Variants in UBE2D4 observed in about 807,000 individuals in gnomAD.
UBE2D4 encodes ubiquitin-conjugating enzyme E2 D4.
UBE2D4 carries 17 observed loss-of-function variants against 23.0 expected under a neutral mutation model. The ratio of observed to expected loss-of-function variants is 0.74; its 90% confidence interval spans 0.51 to 1.11. The LOEUF is 1.11. UBE2D4 is among the 50% of genes least tolerant of loss of function. UBE2D4 has a pLI of 0.00. For missense variants in UBE2D4, 139 were observed against 181.8 expected, an observed-to-expected ratio of 0.76 and a Z score of 1.35; for synonymous variants, 61 against 69.4, an observed-to-expected ratio of 0.88 and a Z score of 0.60.
intron 1 of UBE2D4, among the ~76,000 whole-genome samples, chr7:43,929,992 T>C (rs1018155809): frequency 2.0e-5 from 3 of 152,058 alleles, no homozygotes; most frequent in Non-Finnish European, 4.4e-5. Context: ...AGCAACTCAG[T>C]CCCCCTCTCC....
intron 1 of UBE2D4, among the ~76,000 whole-genome samples, chr7:43,933,210 G>A (rs2095951192): frequency 6.6e-6 from 1 of 151,158 alleles, no homozygotes; most frequent in South Asian, 2.1e-4. Flanking sequence ...TAACATTTTT[G>A]TGGATTTCTT....
At chr7:43,948,175 G>A (rs904160323) in intron 4 of UBE2D4, among the ~76,000 whole-genome samples, 4 of 152,148 alleles carry the variant, frequency 2.6e-5, no homozygotes, top group African/African-American at 9.7e-5. Context: ...TTCTTTTGCT[G>A]TGCAGAAGCT....
intron 1 of UBE2D4, among the ~76,000 whole-genome samples, chr7:43,927,639 A>G (rs1185973197): frequency 6.6e-6 from 1 of 152,220 alleles, no homozygotes; most frequent in Non-Finnish European, 1.5e-5. Flanking sequence ...TTCCACAAGT[A>G]CATGACTAGT....
chr7:43,941,359 G>T (rs1173408455), intron 2 of UBE2D4: 1 of 152,282 alleles, frequency 6.6e-6, no homozygotes, highest in East Asian at 1.9e-4. Flanking sequence ...TACTGGGCTA[G>T]CCTTGCTGAT....
At chr7:43,930,580 C>G (rs1470850141) in intron 1 of UBE2D4, among the ~76,000 whole-genome samples, 1 of 152,074 alleles carries the variant, frequency 6.6e-6, no homozygotes, top group African/African-American at 2.4e-5. Context: ...TTAGCTTTCC[C>G]AGTAGCTGGG....
At chr7:43,949,469 C>G (rs1009705367) in intron 5 of UBE2D4, among the ~76,000 whole-genome samples, 2 of 152,210 alleles carry the variant, frequency 1.3e-5, no homozygotes, top group African/African-American at 4.8e-5. Context: ...TCAAGCAGTC[C>G]TCCCATTGTG....
rs1243624941 is a variant in UBE2D4 at position 43,955,382 on chromosome 7, C to T, written c.*2687C>T. 1.3e-5 allele frequency: 2 copies of T among 152,204 alleles called. No homozygotes were observed. Among genetic ancestry groups the T allele is most frequent in the African/African-American group, 2.4e-5 (1 of 41,450 alleles). 9.4% of individuals were successfully genotyped at this position (152,204 alleles called of 1,614,324 possible). Reference sequence around the variant, plus strand: ...GAAAAAATGACCATTAGCTCTCCCCCAGAAGCGTCTGTGTTTGCTGAATGG... The same window carrying T: ...GAAAAAATGACCATTAGCTCTCCCCTAGAAGCGTCTGTGTTTGCTGAATGG... On this transcript the variant is annotated 3_prime_UTR_variant, in exon 7 of 7. Transcript: ENST00000222402.
At chr7:43,937,346 A>G (rs755020278) in intron 1 of UBE2D4, among the ~76,000 whole-genome samples, 1 of 152,230 alleles carries the variant, frequency 6.6e-6, no homozygotes, top group Non-Finnish European at 1.5e-5. Flanking sequence ...GTAAGCTAAA[A>G]GGAACTGTTC....
chr7:43,931,810 T>G (rs1229382502), intron 1 of UBE2D4, among the ~76,000 whole-genome samples: 1 of 151,934 alleles, frequency 6.6e-6, no homozygotes, highest in African/African-American at 2.4e-5. Flanking sequence ...CTGATTCTCC[T>G]GTGTCAGCCT....
chr7:43,934,593 G>T (rs879493247), intron 1 of UBE2D4, among the ~76,000 whole-genome samples: 1 of 150,700 alleles, frequency 6.6e-6, no homozygotes, highest in Non-Finnish European at 1.5e-5. Context: ...TCACACAGGC[G>T]CAGTCTTGGC....
intron 1 of UBE2D4, among the ~76,000 whole-genome samples, chr7:43,933,347 G>A (rs1178532516): frequency 1.3e-5 from 2 of 151,752 alleles, no homozygotes; most frequent in Non-Finnish European, 2.9e-5. Context: ...TTATTCTGTA[G>A]TCTTTAAAAA....
chr7:43,933,056 A>C (rs2095950394), intron 1 of UBE2D4, among the ~76,000 whole-genome samples: 1 of 146,256 alleles, frequency 6.8e-6, no homozygotes, highest in Non-Finnish European at 1.5e-5. Flanking sequence ...GTATATATAT[A>C]ACATATATAC....
chr7:43,948,892 G>T, intron 5 of UBE2D4, 155 bp downstream of exon 5: 1 of 605,446 alleles, frequency 1.7e-6, no homozygotes, highest in African/African-American at 1.8e-5. Context: ...ATCCTTACAC[G>T]CCTACGAGGC....
intron 2 of UBE2D4, chr7:43,940,881 A>C (rs890087688): frequency 9.4e-6 from 1 of 106,024 alleles, no homozygotes; most frequent in Non-Finnish European, 1.9e-5. Flanking sequence ...GAATAAAAAC[A>C]GTCAAAAGCA....
chr7:43,926,568 C>T lies in UBE2D4; in HGVS notation c.24+12C>T, dbSNP rs563302030. 2 of 1,569,050 alleles carry T rather than the reference C, an allele frequency of 1.3e-6. No individual in the cohort carries two copies. The highest frequency in any genetic ancestry group is 2.3e-5 in the South Asian group (2 of 86,130). On this transcript the variant is annotated intron_variant, in intron 1 of 6. Transcript: ENST00000222402. ...AGCGGATCCAGAAGGTACGCACTTT[C>T]CCACCCTCCAACTCTTTGGGTGTCC...
intron 1 of UBE2D4, among the ~76,000 whole-genome samples, chr7:43,933,013 T>TATATATACATAC (rs1340458201): frequency 8.6e-6 from 1 of 116,648 alleles, no homozygotes; most frequent in African/African-American, 3.4e-5. Flanking sequence ...TATATATATA[T>TATATATACATAC]ACACACACAT....
At chr7:43,927,249 C>G (rs1395468896) in intron 1 of UBE2D4, among the ~76,000 whole-genome samples, 1 of 151,018 alleles carries the variant, frequency 6.6e-6, no homozygotes, top group African/African-American at 2.4e-5. Context: ...TTGTATTCCA[C>G]TTATTCACAT....
At chr7:43,934,860 A>G (rs1165928789) in intron 1 of UBE2D4, among the ~76,000 whole-genome samples, 1 of 152,236 alleles carries the variant, frequency 6.6e-6, no homozygotes, top group African/African-American at 2.4e-5. Flanking sequence ...ACAATGCATA[A>G]CTGCTCTAGA....
intron 4 of UBE2D4, among the ~76,000 whole-genome samples, chr7:43,948,401 CT>C (rs1347645701): frequency 2.6e-5 from 4 of 152,188 alleles, no homozygotes; most frequent in African/African-American, 7.2e-5. Flanking sequence ...ATCAATCCCC[CT>C]ATGTTCAGAA....
Sources: gnomAD v4.1 joint callset for allele counts (sites outside exome capture counted in the v4.1 genomes callset) on GRCh38, gnomAD v4.1.1 for gene constraint, MANE v1.5 for transcripts, NCBI Gene and HGNC (gene_info 2026-07-23, HGNC 2026-07-21) for gene names.